Variants in NCKAP5 observed in about 807,000 individuals in gnomAD.
NCKAP5 encodes nck-associated protein 5.
Under a neutral mutation model 167.0 loss-of-function variants are expected in NCKAP5, and 92 were observed. The observed-to-expected ratio is 0.55, with a 90% CI of 0.47 to 0.66. NCKAP5 has a LOEUF of 0.66. Among genes scored for constraint, NCKAP5 ranks in the 30% least tolerant of loss-of-function variants. The probability of loss-of-function intolerance (pLI) is 0.00; values close to 1 mark genes in which losing one functional copy is unlikely to be tolerated. For synonymous variants in NCKAP5, 891 were observed against 877.4 expected, an observed-to-expected ratio of 1.02 and a Z score of -0.27; for missense variants, 2,378 against 2,315.0, an observed-to-expected ratio of 1.03 and a Z score of -0.56.
At chr2:133,168,115 C>T (rs999117456) in intron 5 of NCKAP5, among the ~76,000 whole-genome samples, 9 of 152,068 alleles carry the variant, frequency 5.9e-5, no homozygotes, top group Admixed American at 4.6e-4. Flanking sequence ...AAAATGCAGG[C>T]CTGAAGAGGT....
intron 3 of NCKAP5, among the ~76,000 whole-genome samples, chr2:133,451,786 C>A (rs927929293): frequency 6.6e-6 from 1 of 152,206 alleles, no homozygotes; most frequent in African/African-American, 2.4e-5. Flanking sequence ...TCTTTCTGGG[C>A]TAAGCCATCT....
intron 3 of NCKAP5, among the ~76,000 whole-genome samples, chr2:133,433,187 C>T (rs1434523760): frequency 6.6e-6 from 1 of 152,156 alleles, no homozygotes; most frequent in African/African-American, 2.4e-5. Flanking sequence ...ATTTGTATGA[C>T]TTTAATGTGG....
chr2:133,195,616 G>T (rs2085402267), intron 5 of NCKAP5, among the ~76,000 whole-genome samples: 1 of 152,144 alleles, frequency 6.6e-6, no homozygotes. Flanking sequence ...TAGAAATCAA[G>T]ATAATTACAC....
At chr2:132,957,254 C>G (rs1274279942) in intron 8 of NCKAP5, among the ~76,000 whole-genome samples, 2 of 152,220 alleles carry the variant, frequency 1.3e-5, no homozygotes, top group African/African-American at 2.4e-5. Flanking sequence ...CAACCTCACA[C>G]TCAGTTGCTA....
intron 6 of NCKAP5, among the ~76,000 whole-genome samples, chr2:133,017,351 A>C (rs2078373167): frequency 6.6e-6 from 1 of 152,216 alleles, no homozygotes; most frequent in Non-Finnish European, 1.5e-5. Context: ...AAAATTCTTA[A>C]AACAAAGCAG....
At chr2:133,299,659 G>C (rs1020269053) in intron 4 of NCKAP5, among the ~76,000 whole-genome samples, 1 of 152,146 alleles carries the variant, frequency 6.6e-6, no homozygotes, top group African/African-American at 2.4e-5. Context: ...GCTGAGGCAG[G>C]AGAACTGCTT....
intron 8 of NCKAP5, among the ~76,000 whole-genome samples, chr2:132,898,400 C>T (rs1693367386): frequency 6.6e-6 from 1 of 152,224 alleles, no homozygotes; most frequent in Non-Finnish European, 1.5e-5. Flanking sequence ...GAATCAAATT[C>T]TTCCAAACTC....
intron 3 of NCKAP5, among the ~76,000 whole-genome samples, chr2:133,481,302 G>A (rs879902541): frequency 1.3e-5 from 2 of 152,122 alleles, no homozygotes; most frequent in Non-Finnish European, 2.9e-5. Context: ...ATAACCACCT[G>A]GGCCTTGAAG....
chr2:132,771,040 C>A (rs1479743308), intron 16 of NCKAP5, among the ~76,000 whole-genome samples: 1 of 152,082 alleles, frequency 6.6e-6, no homozygotes, highest in African/African-American at 2.4e-5. Flanking sequence ...TATGTATGTA[C>A]TACTATACTA....
intron 8 of NCKAP5, among the ~76,000 whole-genome samples, chr2:132,908,802 A>T (rs1694204538): frequency 6.6e-6 from 1 of 152,202 alleles, no homozygotes; most frequent in Non-Finnish European, 1.5e-5. Context: ...TCTTCATGTT[A>T]TTGACAAATT....
intron 19 of NCKAP5, among the ~76,000 whole-genome samples, chr2:132,700,928 G>GGT (rs1687811431): frequency 1.0e-5 from 1 of 96,682 alleles, no homozygotes. Flanking sequence ...CAATCCCCTG[G>GGT]GCGGGGGGGG....
rs552460930 is a variant in NCKAP5, at chr2:132,892,233, T to C, written c.580-13317A>G. Reference sequence around the variant, plus strand: ...ACAGTCTTCCTCTCTCACCCTTTCTTCTTCTCTTTCTCACCTTCTTACTTC... The same window carrying C: ...ACAGTCTTCCTCTCTCACCCTTTCTCCTTCTCTTTCTCACCTTCTTACTTC... On this transcript the variant is annotated intron_variant, in intron 8 of 19. Coordinates refer to ENST00000409261, the MANE Select transcript of NCKAP5 (RefSeq NM_207363.3). 2.0e-5 allele frequency among the ~76,000 whole-genome samples: 3 copies of C among 152,312 alleles called. No individual in the cohort carries two copies. The East Asian group carries it at 5.8e-4, about 29-fold the overall frequency.
chr2:133,142,415 C>T (rs2083034809), intron 5 of NCKAP5, among the ~76,000 whole-genome samples: 1 of 152,166 alleles, frequency 6.6e-6, no homozygotes, highest in Non-Finnish European at 1.5e-5. Context: ...GAAAAGCTCA[C>T]AGAAGAAACG....
intron 3 of NCKAP5, among the ~76,000 whole-genome samples, chr2:133,407,465 G>C (rs1174195851): frequency 1.3e-5 from 2 of 152,226 alleles, no homozygotes; most frequent in East Asian, 1.9e-4. Flanking sequence ...CTAGGAAGAA[G>C]TGTGACAGGA....
intron 11 of NCKAP5, among the ~76,000 whole-genome samples, chr2:132,817,475 A>G (rs1484013430): frequency 6.6e-6 from 1 of 152,110 alleles, no homozygotes; most frequent in Non-Finnish European, 1.5e-5. Flanking sequence ...TTTAAATCTC[A>G]TTTTTCTCAA....
the NCKAP5 span, among the ~76,000 whole-genome samples, chr2:133,615,161 G>C: frequency 6.6e-6 from 1 of 151,998 alleles, no homozygotes; most frequent in Admixed American, 6.6e-5. Flanking sequence ...TCTAAACATG[G>C]AAAGGAAAAA....
At chr2:133,641,440 T>A in the NCKAP5 span, among the ~76,000 whole-genome samples, 2 of 152,258 alleles carry the variant, frequency 1.3e-5, no homozygotes, top group African/African-American at 4.8e-5. Context: ...TCCTAAATGT[T>A]GGACTGAAAT....
intron 4 of NCKAP5, among the ~76,000 whole-genome samples, chr2:133,220,388 A>G (rs941342712): frequency 1.3e-5 from 2 of 152,214 alleles, no homozygotes; most frequent in Admixed American, 6.5e-5. Context: ...TCTTACAGTT[A>G]AATGTAAAGA....
intron 2 of NCKAP5, among the ~76,000 whole-genome samples, chr2:133,547,050 G>T (rs977420052): frequency 1.3e-5 from 2 of 152,208 alleles, no homozygotes; most frequent in Non-Finnish European, 2.9e-5. Context: ...GCAGGGCGAG[G>T]CATTGCCTCA....
Sources: allele counts gnomAD v4.1 joint callset (sites outside exome capture counted in the v4.1 genomes callset), GRCh38; gene constraint gnomAD v4.1.1; transcripts MANE v1.5; gene names NCBI Gene and HGNC (gene_info 2026-07-23, HGNC 2026-07-21).